The following L3MBTL4 variants were observed in gnomAD, a reference collection of about 807,000 sequenced individuals.
The protein encoded by L3MBTL4 is lethal(3)malignant brain tumor-like protein 4.
Under a neutral mutation model 84.5 loss-of-function variants are expected in L3MBTL4, and 70 were observed. The observed-to-expected ratio is 0.83, with a 90% CI of 0.68 to 1.01. The LOEUF (loss-of-function observed/expected upper bound fraction) is 1.01. L3MBTL4 is among the 50% of genes least tolerant of loss of function. The pLI is 0.00. For synonymous variants in L3MBTL4, 274 were observed against 259.8 expected (o/e 1.05, Z -0.52); for missense variants, 715 against 754.8 (o/e 0.95, Z 0.62).
chr18:6,165,555 C>G, intron 13 of L3MBTL4, among the ~76,000 whole-genome samples: 1 of 152,088 alleles, frequency 6.6e-6, no homozygotes, highest in African/African-American at 2.4e-5. Context: ...AATTTTCAAC[C>G]CAAAATTTCA....
chr18:6,119,965 C>A (rs180816668), intron 14 of L3MBTL4, among the ~76,000 whole-genome samples: 107 of 152,294 alleles, frequency 7.0e-4, no homozygotes, highest in African/African-American at 2.5e-3. Flanking sequence ...TCTCCTAATT[C>A]CTAATTCAGG....
intron 12 of L3MBTL4, among the ~76,000 whole-genome samples, chr18:6,207,927 A>G (rs944402397): frequency 2.6e-5 from 4 of 151,910 alleles, no homozygotes; most frequent in African/African-American, 9.7e-5. Context: ...CAACACTGCA[A>G]ACCCCCATCT....
chr18:6,170,741 G>C (rs538630326), intron 13 of L3MBTL4, among the ~76,000 whole-genome samples: 11 of 152,252 alleles, frequency 7.2e-5, no homozygotes, highest in African/African-American at 2.2e-4. Context: ...GGTGTATTGG[G>C]GGGGGTTCAC....
At position 5,972,477 on chromosome 18, in the gene L3MBTL4, T is replaced by A. The variant is rs514856; in HGVS notation, c.1445-2915A>T. On this transcript the variant is annotated intron_variant, in intron 16 of 18. Transcript: ENST00000317931. The stretch of plus-strand genomic sequence containing the variant: ...AGAAGGTGCTTGGCAAGGTCCCCAG[T>A]GTGTTGTGAATACTCAGTGGCAGGT... Among the ~76,000 whole-genome samples the A allele has an allele frequency of 3.3e-5, 5 of 152,052 alleles. No homozygotes were observed. In the South Asian group the frequency reaches 6.2e-4, roughly 19 times the overall value.
intron 1 of L3MBTL4, among the ~76,000 whole-genome samples, chr18:6,369,056 A>C (rs2054052037): frequency 6.6e-6 from 1 of 151,658 alleles, no homozygotes; most frequent in South Asian, 2.1e-4. Flanking sequence ...ATTAAAAAAA[A>C]AAAAAAAGTC....
intron 17 of L3MBTL4, among the ~76,000 whole-genome samples, chr18:5,960,455 C>G (rs539384894): frequency 6.6e-6 from 1 of 152,218 alleles, no homozygotes; most frequent in Non-Finnish European, 1.5e-5. Context: ...ATTCTCCTGA[C>G]TCCCCCATGG....
chr18:6,108,704 G>A (rs921243238), intron 14 of L3MBTL4, among the ~76,000 whole-genome samples: 11 of 152,172 alleles, frequency 7.2e-5, no homozygotes, highest in African/African-American at 2.7e-4. Flanking sequence ...GGCCTTCTGA[G>A]GGCCCCCTCT....
rs1260518041 is a variant in L3MBTL4 at position 6,163,308 on chromosome 18, G to GTGTGTGT, written c.1096+8519_1096+8520insACACACA. On this transcript the variant is annotated intron_variant, in intron 13 of 18. Coordinates refer to ENST00000317931, the MANE Select transcript of L3MBTL4 (RefSeq NM_001330559.2). The stretch of plus-strand genomic sequence containing the variant: ...GTGTGTGTGTGTGTGTGTGTGTGTG[G>GTGTGTGT]GTGGGTGTGTATTTTTGCTTTCACA... Among the ~76,000 whole-genome samples, 66 of 78,260 alleles carry GTGTGTGT rather than the reference G, an allele frequency of 8.4e-4. 1 individual carries two copies. Among genetic ancestry groups the GTGTGTGT allele is most frequent in the Admixed American group, 1.4e-3 (7 of 5,014 alleles). The allele number at this position is 78,260 out of a possible 152,430, so 51.3% of individuals were successfully genotyped here.
chr18:6,191,996 TC>T (rs1185618755), intron 12 of L3MBTL4, among the ~76,000 whole-genome samples: 218 of 97,438 alleles, frequency 2.2e-3, no homozygotes, highest in Middle Eastern at 0.014. Context: ...TGTCCCCTCC[TC>T]CCCCCCCTCA....
intron 16 of L3MBTL4, among the ~76,000 whole-genome samples, chr18:6,007,967 G>A (rs1213260237): frequency 6.6e-6 from 1 of 152,174 alleles, no homozygotes; most frequent in Non-Finnish European, 1.5e-5. Context: ...GGATACATGA[G>A]ACTTTTGTAC....
intron 5 of L3MBTL4, among the ~76,000 whole-genome samples, 188 bp downstream of exon 5, chr18:6,263,759 G>A (rs570331782): frequency 6.6e-6 from 1 of 152,220 alleles, no homozygotes; most frequent in African/African-American, 2.4e-5. Flanking sequence ...AGAGCTGGCA[G>A]GTGGCGGCGC....
chr18:6,208,898 A>G (rs2045982232), intron 12 of L3MBTL4, among the ~76,000 whole-genome samples: 1 of 152,220 alleles, frequency 6.6e-6, no homozygotes, highest in East Asian at 1.9e-4. Flanking sequence ...CTGCCAATGA[A>G]CCACATATCA....
chr18:6,272,408 T>G lies in L3MBTL4; in HGVS notation c.128-8370A>C, dbSNP rs112539984. On this transcript the variant is annotated intron_variant, in intron 4 of 18. Coordinates refer to ENST00000317931, the MANE Select transcript of L3MBTL4 (RefSeq NM_001330559.2). The stretch of plus-strand genomic sequence containing the variant: ...AGGAGCACGGGGAAAGGGGGAGTTG[T>G]GCAGATTCAACTAGGACTGAATATA... 3.4e-3 allele frequency among the ~76,000 whole-genome samples: 504 copies of G among 149,090 alleles called. 6 individuals are homozygous for G. Among genetic ancestry groups the G allele is most frequent in the African/African-American group, 0.012 (485 of 40,106 alleles).
chr18:6,295,985 G>T (rs1260142783), intron 4 of L3MBTL4, among the ~76,000 whole-genome samples: 3 of 152,128 alleles, frequency 2.0e-5, no homozygotes, highest in Admixed American at 2.0e-4. Context: ...AACTGATTTG[G>T]TTTTCCCCTT....
At chr18:6,404,305 G>A (rs1220210913) in intron 1 of L3MBTL4, among the ~76,000 whole-genome samples, 4 of 152,148 alleles carry the variant, frequency 2.6e-5, no homozygotes, top group Non-Finnish European at 5.9e-5. Context: ...CCTCAGGAAC[G>A]TCCTTCCACC....
chr18:6,031,624 C>A (rs1228572282), intron 16 of L3MBTL4: 27 of 956,216 alleles, frequency 2.8e-5, no homozygotes, highest in Non-Finnish European at 3.4e-5. Flanking sequence ...AGGACATGGC[C>A]TTGGCTGGGA....
At chr18:6,030,630 C>A in intron 16 of L3MBTL4, 1 of 826,624 alleles carries the variant, frequency 1.2e-6, no homozygotes, top group East Asian at 1.2e-4. Context: ...TCCTGAGTAG[C>A]TGGGATTACA....
intron 10 of L3MBTL4, among the ~76,000 whole-genome samples, chr18:6,235,321 T>A (rs1191446538): frequency 6.6e-6 from 1 of 152,116 alleles, no homozygotes; most frequent in East Asian, 1.9e-4. Context: ...AGTAACATAA[T>A]AAATACAAAT....
At chr18:6,046,522 T>C (rs1247949032) in intron 16 of L3MBTL4, among the ~76,000 whole-genome samples, 3 of 152,042 alleles carry the variant, frequency 2.0e-5, no homozygotes, top group African/African-American at 7.2e-5. Context: ...CAAGTCTCAA[T>C]AAATTAAAAA....
Sources: allele counts gnomAD v4.1 joint callset (sites outside exome capture counted in the v4.1 genomes callset), GRCh38; gene constraint gnomAD v4.1.1; transcripts MANE v1.5; gene names NCBI Gene and HGNC (gene_info 2026-07-23, HGNC 2026-07-21).